The following TRABD2B variants were observed in gnomAD, a reference collection of about 807,000 sequenced individuals.
TRABD2B encodes metalloprotease TIKI2.
In TRABD2B, 14 loss-of-function variants were observed where a neutral mutation model predicts 40.1. The observed-to-expected ratio is 0.35, with a 90% CI of 0.23 to 0.55. The LOEUF is 0.55. Among genes scored for constraint, TRABD2B ranks in the 20% least tolerant of loss-of-function variants. The probability of loss-of-function intolerance (pLI) is 0.90; values close to 1 mark genes in which losing one functional copy is unlikely to be tolerated. For missense variants in TRABD2B, 541 were observed against 648.6 expected (o/e 0.83, Z 1.80); for synonymous variants, 263 against 277.0 (o/e 0.95, Z 0.50).
chr1:47,873,635 G>A (rs958063262), intron 2 of TRABD2B, among the ~76,000 whole-genome samples: 4 of 152,060 alleles, frequency 2.6e-5, no homozygotes, highest in African/African-American at 9.7e-5. Context: ...TAGACCATGC[G>A]ACTGATTTTC....
intron 2 of TRABD2B, among the ~76,000 whole-genome samples, chr1:47,938,979 G>A (rs1645150902): frequency 6.6e-6 from 1 of 152,068 alleles, no homozygotes; most frequent in Non-Finnish European, 1.5e-5. Flanking sequence ...GACTGACAGA[G>A]GGGTGTGAAT....
rs1204824513 is a variant in TRABD2B at position 47,919,854 on chromosome 1, G to A, written c.666+74180C>T. ...GGTAGGGCTTCCTGGAGAGGGGGGT[G>A]CTGGTGCTGGGGCAGGAAAGAGAGG... On this transcript the variant is annotated intron_variant, in intron 2 of 6. Transcript: ENST00000606738. Among the ~76,000 whole-genome samples, 3 of 152,316 alleles carry A rather than the reference G, an allele frequency of 2.0e-5. No homozygotes were observed. The East Asian group carries it at 5.8e-4, about 29-fold the overall frequency.
At chr1:47,826,179 A>G (rs1404935546) in intron 2 of TRABD2B, among the ~76,000 whole-genome samples, 1 of 152,206 alleles carries the variant, frequency 6.6e-6, no homozygotes, top group African/African-American at 2.4e-5. Flanking sequence ...ATCAAGGCAG[A>G]AGGGCTGGGC....
intron 2 of TRABD2B, among the ~76,000 whole-genome samples, chr1:47,863,393 T>TATATATATATATATATATATATATATAA (rs1553159686): frequency 2.2e-5 from 3 of 135,696 alleles, no homozygotes; most frequent in Non-Finnish European, 3.2e-5. Context: ...TATATATATA[T>TATATATATATATATATATATATATATAA]AATCTCTTAA....
intron 2 of TRABD2B, among the ~76,000 whole-genome samples, chr1:47,822,933 G>A (rs1645129672): frequency 6.6e-6 from 1 of 152,208 alleles, no homozygotes; most frequent in African/African-American, 2.4e-5. Flanking sequence ...CACACCCTCA[G>A]CTCCTGGATT....
chr1:47,960,675 A>G (rs1199299061), intron 2 of TRABD2B, among the ~76,000 whole-genome samples: 1 of 152,202 alleles, frequency 6.6e-6, no homozygotes, highest in Non-Finnish European at 1.5e-5. Flanking sequence ...GACCTCTTCA[A>G]GGAGAACTAC....
At chr1:47,990,920 A>T (rs962350951) in intron 2 of TRABD2B, among the ~76,000 whole-genome samples, 1 of 148,790 alleles carries the variant, frequency 6.7e-6, no homozygotes, top group African/African-American at 2.5e-5. Flanking sequence ...GCTGTCTACA[A>T]TACAACAAGA....
chr1:47,883,962 G>C (rs550741863), intron 2 of TRABD2B, among the ~76,000 whole-genome samples: 1 of 152,240 alleles, frequency 6.6e-6, no homozygotes, highest in East Asian at 1.9e-4. Flanking sequence ...GCTGAGCCTG[G>C]TGTCTTGGAA....
intron 3 of TRABD2B, among the ~76,000 whole-genome samples, chr1:47,799,084 G>A (rs917321459): frequency 4.6e-5 from 7 of 152,216 alleles, no homozygotes; most frequent in Non-Finnish European, 7.3e-5. Flanking sequence ...ACTTGCCAAA[G>A]GCAAATCAGT....
chr1:47,948,361 A>C (rs993847296), intron 2 of TRABD2B, among the ~76,000 whole-genome samples: 8 of 152,256 alleles, frequency 5.3e-5, no homozygotes, highest in South Asian at 2.1e-4. Flanking sequence ...TAAACTTCCC[A>C]ATCAGGCCGG....
At chr1:47,897,136 A>G (rs566573223) in intron 2 of TRABD2B, among the ~76,000 whole-genome samples, 1 of 152,332 alleles carries the variant, frequency 6.6e-6, no homozygotes, top group East Asian at 1.9e-4. Context: ...GGAACAGGGG[A>G]CAGGTGCACT....
intron 2 of TRABD2B, among the ~76,000 whole-genome samples, chr1:47,863,323 T>A: frequency 7.6e-6 from 1 of 131,934 alleles, no homozygotes; most frequent in East Asian, 2.3e-4. Flanking sequence ...AATATAAATA[T>A]ATATATATAT....
intron 3 of TRABD2B, among the ~76,000 whole-genome samples, chr1:47,800,162 G>A (rs1644803254): frequency 6.6e-6 from 1 of 152,058 alleles, no homozygotes; most frequent in African/African-American, 2.4e-5. Flanking sequence ...GATCTAGTAG[G>A]GAGAGCAACC....
At chr1:47,978,306 G>T (rs892491389) in intron 2 of TRABD2B, among the ~76,000 whole-genome samples, 1 of 152,120 alleles carries the variant, frequency 6.6e-6, no homozygotes, top group African/African-American at 2.4e-5. Flanking sequence ...GGACTTCCTG[G>T]CCCCCAGAAC....
chr1:47,881,893 T>A (rs1644308466), intron 2 of TRABD2B, among the ~76,000 whole-genome samples: 1 of 152,220 alleles, frequency 6.6e-6, no homozygotes. Flanking sequence ...TTTCTGTGTG[T>A]CTCTGGCTGC....
chr1:47,805,974 C>T (rs1644886503), intron 2 of TRABD2B, among the ~76,000 whole-genome samples: 1 of 152,136 alleles, frequency 6.6e-6, no homozygotes, highest in Non-Finnish European at 1.5e-5. Context: ...TGGAAGAGAG[C>T]CAAGAGGGAT....
chr1:47,970,830 C>T lies in TRABD2B; in HGVS notation c.666+23204G>A, dbSNP rs144124765. ...CCTTCTCATGGTGATGGCAGAGGCA[C>T]GAGAGGATGAGCTCAACTAAAGCAA... On this transcript the variant is annotated intron_variant, in intron 2 of 6. Transcript: ENST00000606738. Among the ~76,000 whole-genome samples the T allele has an allele frequency of 1.1e-3, 171 of 152,176 alleles. 2 individuals carry two copies. Among genetic ancestry groups the T allele is most frequent in the African/African-American group, 3.7e-3 (153 of 41,524 alleles).
At chr1:47,920,176 G>GAGT (rs1644883147) in intron 2 of TRABD2B, among the ~76,000 whole-genome samples, 1 of 152,190 alleles carries the variant, frequency 6.6e-6, no homozygotes, top group Admixed American at 6.5e-5. Context: ...GTGCCTGGCA[G>GAGT]AGTACTCAGT....
chr1:47,770,306 G>A (rs1316159597), intron 6 of TRABD2B, among the ~76,000 whole-genome samples: 1 of 152,174 alleles, frequency 6.6e-6, no homozygotes, highest in Admixed American at 6.5e-5. Flanking sequence ...GGCCAAGCAG[G>A]TCGGATGAGA....
Sources: allele counts gnomAD v4.1 joint callset (sites outside exome capture counted in the v4.1 genomes callset), GRCh38; gene constraint gnomAD v4.1.1; transcripts MANE v1.5; gene names NCBI Gene and HGNC (gene_info 2026-07-23, HGNC 2026-07-21).